SH3BP4: variants seen among roughly 807,000 people sequenced by gnomAD.
The protein encoded by SH3BP4 is SH3 domain-binding protein 4.
SH3BP4 carries 33 observed loss-of-function variants against 65.5 expected under a neutral mutation model. The ratio of observed to expected loss-of-function variants is 0.50; its 90% CI spans 0.38 to 0.67. SH3BP4 has a LOEUF of 0.67. SH3BP4 is among the 30% of genes least tolerant of loss of function. The pLI is 0.00. For synonymous variants in SH3BP4, 552 were observed against 545.5 expected (o/e 1.01, Z -0.17); for missense variants, 1,134 against 1,261.4 (o/e 0.90, Z 1.53).
chr2:235,051,766 G>T (rs897634687), intron 4 of SH3BP4, among the ~76,000 whole-genome samples: 1 of 152,040 alleles, frequency 6.6e-6, no homozygotes, highest in Non-Finnish European at 1.5e-5. Flanking sequence ...TTCTACCCGC[G>T]GTGCTCTCTA....
chr2:235,015,067 G>A (rs1383013132), intron 2 of SH3BP4, among the ~76,000 whole-genome samples: 2 of 152,182 alleles, frequency 1.3e-5, no homozygotes, highest in Admixed American at 6.5e-5. Flanking sequence ...AGTGAATATT[G>A]CTAAACCTTC....
At position 235,035,115 on chromosome 2, in the gene SH3BP4, T is replaced by C. The variant is rs774791069; in HGVS notation, c.113T>C (p.Ile38Thr). 4.3e-6 allele frequency: 7 copies of C among 1,610,198 alleles called. No homozygotes were observed. Among genetic ancestry groups the C allele is most frequent in the Non-Finnish European group, 5.9e-6 (7 of 1,176,534 alleles). Residue 38 changes from isoleucine to threonine, a missense_variant, in exon 3 of 6, where the codon ATC becomes ACC. Coordinates refer to ENST00000392011, the MANE Select transcript of SH3BP4 (RefSeq NM_014521.3). This position sits in a 1 kb window ranked among gnomAD's most constrained non-coding sequence, Gnocchi z 5.0. ...EGFSETSFND[I>T]KVPSPSALLV... Reference sequence around the variant, plus strand: ...TTTTCAGAGACGAGCTTTAATGACATCAAAGGTGAGCTTCTGGGGAACAGG... The same window carrying C: ...TTTTCAGAGACGAGCTTTAATGACACCAAAGGTGAGCTTCTGGGGAACAGG...
intron 5 of SH3BP4, 90 bp from the exon 6 acceptor site, chr2:235,053,502 C>A: frequency 1.1e-6 from 1 of 933,316 alleles, no homozygotes; most frequent in Non-Finnish European, 1.7e-6. Context: ...ACTACTGAAG[C>A]TGCACCAAGT....
chr2:234,979,365 A>C (rs1693278684), intron 1 of SH3BP4: 1 of 152,176 alleles, frequency 6.6e-6, no homozygotes. Context: ...CGCAGTTGTC[A>C]TTCTCTGCTG....
At chr2:235,021,463 T>A (rs1488910657) in intron 2 of SH3BP4, among the ~76,000 whole-genome samples, 2 of 149,684 alleles carry the variant, frequency 1.3e-5, no homozygotes, top group Non-Finnish European at 3.0e-5. Context: ...AAAAAAAAAA[T>A]ACAAAAAATA....
In SH3BP4 at chr2:235,045,551, G is replaced by A. The variant is rs760889287; in HGVS notation, c.2478+2304G>A. Among the ~76,000 whole-genome samples, 7 of 152,056 alleles carry A rather than the reference G, an allele frequency of 4.6e-5. No homozygotes were observed. Among genetic ancestry groups the A allele is most frequent in the Non-Finnish European group, 1.0e-4 (7 of 68,032 alleles). On this transcript the variant is annotated intron_variant, in intron 4 of 5. Transcript: ENST00000392011. The surrounding 1 kb of genome is among the most constrained non-coding windows in gnomAD (Gnocchi z 4.3). ...AGTGAAACTTGCCCTTGGCCAGGTCGGCTCCCTGAGGCAAGGTTAGATTTT... is the reference window on the plus strand; with the variant it reads ...AGTGAAACTTGCCCTTGGCCAGGTCAGCTCCCTGAGGCAAGGTTAGATTTT...
At chr2:235,038,387 A>T (rs1339830961) in intron 3 of SH3BP4, among the ~76,000 whole-genome samples, 219 of 14,136 alleles carry the variant, frequency 0.015, 15 homozygotes, top group African/African-American at 0.11. Flanking sequence ...ATATATATAT[A>T]TATATATATA....
chr2:235,008,012 C>T (rs1192697952), intron 2 of SH3BP4, among the ~76,000 whole-genome samples: 1 of 152,144 alleles, frequency 6.6e-6, no homozygotes, highest in East Asian at 1.9e-4. Flanking sequence ...GAGCTGCACC[C>T]CTGTGGGAAA....
At chr2:235,012,146 G>T (rs528303727) in intron 2 of SH3BP4, among the ~76,000 whole-genome samples, 1 of 152,208 alleles carries the variant, frequency 6.6e-6, no homozygotes, top group Non-Finnish European at 1.5e-5. Context: ...GTTACGGGGC[G>T]CTGACAGTGG....
At chr2:235,036,027 G>A (rs1695367303) in intron 3 of SH3BP4, among the ~76,000 whole-genome samples, 1 of 152,242 alleles carries the variant, frequency 6.6e-6, no homozygotes, top group Non-Finnish European at 1.5e-5. Flanking sequence ...CCAGCCTAAA[G>A]TCAGTGCTAA....
chr2:235,033,121 G>A lies in SH3BP4; in HGVS notation c.-132-1750G>A, dbSNP rs1327739244. ...CAGGGCAGCTCTGCCGCTCCCCAGAGAGGTGGCCACCATGCCCTCCTCTCC... is the reference window on the plus strand; with the variant it reads ...CAGGGCAGCTCTGCCGCTCCCCAGAAAGGTGGCCACCATGCCCTCCTCTCC... On this transcript the variant is annotated intron_variant, in intron 2 of 5. Transcript: ENST00000392011. The surrounding 1 kb of genome is among the most constrained non-coding windows in gnomAD (Gnocchi z 5.7). Among the ~76,000 whole-genome samples the A allele has an allele frequency of 1.3e-5, 2 of 152,144 alleles. No individual in the cohort carries two copies.
At chr2:235,014,307 TG>T (rs1490203875) in intron 2 of SH3BP4, among the ~76,000 whole-genome samples, 1 of 152,184 alleles carries the variant, frequency 6.6e-6, no homozygotes. Flanking sequence ...AGTTTTGTGG[TG>T]GAGGCCTCGT....
intron 2 of SH3BP4, among the ~76,000 whole-genome samples, chr2:235,023,320 G>A (rs1451122351): frequency 6.6e-6 from 1 of 152,186 alleles, no homozygotes; most frequent in Non-Finnish European, 1.5e-5. Context: ...GCTGAGGCGG[G>A]TGGATCACCT....
At chr2:235,014,562 A>G (rs1694627579) in intron 2 of SH3BP4, among the ~76,000 whole-genome samples, 1 of 152,172 alleles carries the variant, frequency 6.6e-6, no homozygotes, top group Admixed American at 6.5e-5. Context: ...GGGAAGCCTG[A>G]TGTCCACAAT....
chr2:235,040,422 G>A (rs567274029), intron 3 of SH3BP4, among the ~76,000 whole-genome samples: 126 of 151,840 alleles, frequency 8.3e-4, no homozygotes, highest in African/African-American at 2.7e-3. Flanking sequence ...ATGTCATTGC[G>A]GGAGTTTTTG....
chr2:235,011,775 A>G (rs892715029), intron 2 of SH3BP4, among the ~76,000 whole-genome samples: 1 of 152,218 alleles, frequency 6.6e-6, no homozygotes, highest in Non-Finnish European at 1.5e-5. Context: ...CCAGCTGGAA[A>G]TGAGAAGGAT....
Position 234,978,398 on chromosome 2 carries a change from G to A in SH3BP4, c.-206-16905G>A, listed in dbSNP as rs1423324107. On this transcript the variant is annotated intron_variant, in intron 1 of 5. Transcript: ENST00000392011. The surrounding 1 kb of genome is among the most constrained non-coding windows in gnomAD (Gnocchi z 4.1). Reference sequence around the variant, plus strand: ...TGAGGAGGGTGGGTAAAAATGCAGGGTCCTCCTCACTGCAGTCACTGCGGG... The same window carrying A: ...TGAGGAGGGTGGGTAAAAATGCAGGATCCTCCTCACTGCAGTCACTGCGGG... Among the ~76,000 whole-genome samples, 1 of 152,192 alleles carries A rather than the reference G, an allele frequency of 6.6e-6. No individual in the cohort carries two copies. The highest frequency in any genetic ancestry group is 1.5e-5 in the Non-Finnish European group (1 of 68,038).
intron 1 of SH3BP4, among the ~76,000 whole-genome samples, chr2:234,984,392 A>G (rs1693482010): frequency 6.6e-6 from 1 of 151,378 alleles, no homozygotes; most frequent in Admixed American, 6.6e-5. Flanking sequence ...AACTTTTTGT[A>G]GAGACGAAGT....
intron 1 of SH3BP4, among the ~76,000 whole-genome samples, chr2:234,970,001 G>A (rs184722734): frequency 1.4e-5 from 2 of 145,374 alleles, no homozygotes; most frequent in Admixed American, 6.9e-5. Context: ...ACACACACTC[G>A]CTGTCTCACA....
Sources: gnomAD v4.1 joint callset for allele counts (sites outside exome capture counted in the v4.1 genomes callset) on GRCh38, gnomAD v4.1.1 for gene constraint, Gnocchi (gnomAD v3.1) non-coding constraint, MANE v1.5 for transcripts, NCBI Gene and HGNC (gene_info 2026-07-23, HGNC 2026-07-21) for gene names.